Variants in SS18L1 observed in about 807,000 individuals in gnomAD.
SS18L1 encodes SS18L1 subunit of BAF chromatin remodeling complex.
SS18L1 carries 32 observed loss-of-function variants against 70.3 expected under a neutral mutation model. The ratio of observed to expected loss-of-function variants is 0.46; its 90% confidence interval spans 0.34 to 0.61. The LOEUF (loss-of-function observed/expected upper bound fraction) is 0.61, where lower values mean the gene tolerates loss of function less well. SS18L1 is among the 20% of genes least tolerant of loss of function. The pLI is 0.01. For missense variants in SS18L1, 430 were observed against 542.1 expected, an observed-to-expected ratio of 0.79 and a Z score of 2.05; for synonymous variants, 237 against 229.7, an observed-to-expected ratio of 1.03 and a Z score of -0.29.
chr20:62,152,991 A>G (rs536103727), intron 1 of SS18L1, among the ~76,000 whole-genome samples: 50 of 152,304 alleles, frequency 3.3e-4, no homozygotes, highest in Non-Finnish European at 5.7e-4. Context: ...TTACACTGCT[A>G]TGAAGAAATA....
intron 9 of SS18L1, among the ~76,000 whole-genome samples, chr20:62,173,408 A>T (rs2057566822): frequency 6.6e-6 from 1 of 152,250 alleles, no homozygotes; most frequent in Non-Finnish European, 1.5e-5. Flanking sequence ...TACTAATTAA[A>T]TAGTATAAAA....
At chr20:62,168,800 C>G (rs1016233582) in intron 8 of SS18L1, among the ~76,000 whole-genome samples, 4 of 152,170 alleles carry the variant, frequency 2.6e-5, no homozygotes, top group Non-Finnish European at 5.9e-5. Context: ...GGCAACAGAG[C>G]AAGACCCTGT....
chr20:62,178,193 C>T (rs565387477), intron 10 of SS18L1, among the ~76,000 whole-genome samples: 47 of 144,320 alleles, frequency 3.3e-4, no homozygotes, highest in Non-Finnish European at 6.1e-4. Flanking sequence ...GTCACCCACA[C>T]TGGAATACAG....
At chr20:62,164,114 C>T (rs375583463) in intron 6 of SS18L1, 31 bp from the exon 7 acceptor site, 38 of 1,540,674 alleles carry the variant, frequency 2.5e-5, no homozygotes, top group African/African-American at 2.2e-4. Context: ...GGGCGCGGCC[C>T]GCACTGGCGC....
At chr20:62,157,318 G>A (rs114862218) in intron 1 of SS18L1, among the ~76,000 whole-genome samples, 11 of 152,274 alleles carry the variant, frequency 7.2e-5, no homozygotes, top group African/African-American at 2.2e-4. Context: ...GGAGTGCTCC[G>A]GAGCCCTCCT....
chr20:62,166,278 T>C (rs990617463), intron 8 of SS18L1, among the ~76,000 whole-genome samples: 5 of 152,340 alleles, frequency 3.3e-5, no homozygotes, highest in African/African-American at 9.6e-5. Context: ...AGGGGCCTCG[T>C]GTCTGCTGAC....
intron 1 of SS18L1, among the ~76,000 whole-genome samples, chr20:62,157,514 A>G (rs1282374977): frequency 6.6e-6 from 1 of 152,168 alleles, no homozygotes; most frequent in Non-Finnish European, 1.5e-5. Context: ...GGCGGAGTGT[A>G]TGCCTGGCCG....
chr20:62,146,038 A>G lies in SS18L1; in HGVS notation c.69+2149A>G, dbSNP rs1029540057. 3.1e-4 allele frequency among the ~76,000 whole-genome samples: 46 copies of G among 148,750 alleles called. 1 individual carries two copies. The highest frequency in any genetic ancestry group is 3.4e-3 in the Middle Eastern group (1 of 290). ...AAAGAGGTCTACAACTTGTCCTTAC[A>G]GCATTCTGCGTGGTAGTGAAGGAGA... On this transcript the variant is annotated intron_variant, in intron 1 of 10. Coordinates refer to ENST00000331758, the MANE Select transcript of SS18L1 (RefSeq NM_198935.3).
At chr20:62,177,277 TC>T (rs1299425836) in intron 10 of SS18L1, among the ~76,000 whole-genome samples, 1 of 145,326 alleles carries the variant, frequency 6.9e-6, no homozygotes, top group Non-Finnish European at 1.5e-5. Flanking sequence ...AAACTCTGTC[TC>T]AAAAAAAAAA....
chr20:62,144,409 A>G (rs887637175), intron 1 of SS18L1, among the ~76,000 whole-genome samples: 1 of 152,142 alleles, frequency 6.6e-6, no homozygotes, highest in Non-Finnish European at 1.5e-5. Flanking sequence ...GACCGCGGGG[A>G]CTGTGGCCGG....
chr20:62,171,613 T>C (rs191561470), intron 8 of SS18L1, among the ~76,000 whole-genome samples: 2 of 152,330 alleles, frequency 1.3e-5, no homozygotes, highest in Admixed American at 1.3e-4. Context: ...GTGTGCATTA[T>C]CTCAATAAAG....
At chr20:62,153,395 C>T (rs979662366) in intron 1 of SS18L1, among the ~76,000 whole-genome samples, 25 of 152,136 alleles carry the variant, frequency 1.6e-4, no homozygotes, top group African/African-American at 6.0e-4. Flanking sequence ...CTGTCTTGCC[C>T]TTCTCAAGGC....
At chr20:62,157,193 A>G (rs1323086105) in intron 1 of SS18L1, among the ~76,000 whole-genome samples, 1 of 151,556 alleles carries the variant, frequency 6.6e-6, no homozygotes, top group Non-Finnish European at 1.5e-5. Flanking sequence ...GCCTGGCCCC[A>G]GCCCCTGTTC....
In SS18L1 at chr20:62,172,809, G is replaced by T; in HGVS notation, c.1036+8G>T. 1 of 1,612,520 alleles carries T rather than the reference G, an allele frequency of 6.2e-7. No individual in the cohort carries two copies. Among genetic ancestry groups the T allele is most frequent in the Non-Finnish European group, 8.5e-7 (1 of 1,179,498 alleles). On this transcript the variant is annotated splice_region_variant and intron_variant, in intron 9 of 10. Coordinates refer to ENST00000331758, the MANE Select transcript of SS18L1 (RefSeq NM_198935.3). Reference sequence around the variant, plus strand: ...GGCAGCAGCAGGGCTACGGTAAGAGGCGAGCACGGTCCTCGGGGCCCCCCA... The same window carrying T: ...GGCAGCAGCAGGGCTACGGTAAGAGTCGAGCACGGTCCTCGGGGCCCCCCA...
In SS18L1 at chr20:62,178,373, G is replaced by A. The variant is rs1601066634; in HGVS notation, c.1165-809G>A. On this transcript the variant is annotated intron_variant, in intron 10 of 10. Transcript: ENST00000331758. ...TCACCATGTTGGCCAGGCTGGTCTTGAACTCCTGACCTCAAATGATCCACC... is the reference window on the plus strand; with the variant it reads ...TCACCATGTTGGCCAGGCTGGTCTTAAACTCCTGACCTCAAATGATCCACC... 2.0e-5 allele frequency among the ~76,000 whole-genome samples: 3 copies of A among 151,008 alleles called. No individual in the cohort carries two copies. In the East Asian group the frequency reaches 5.9e-4, roughly 30 times the overall value.
chr20:62,178,811 C>A (rs187748915), intron 10 of SS18L1, among the ~76,000 whole-genome samples: 65 of 152,308 alleles, frequency 4.3e-4, no homozygotes, highest in African/African-American at 1.5e-3. Context: ...TGGTCGTCCC[C>A]GCTCCCATTT....
intron 8 of SS18L1, among the ~76,000 whole-genome samples, chr20:62,166,930 A>G (rs1245152805): frequency 1.3e-5 from 2 of 151,826 alleles, no homozygotes; most frequent in Non-Finnish European, 2.9e-5. Flanking sequence ...TGTCTCAAAA[A>G]AAATAAAAAG....
At chr20:62,172,648 G>A (rs755957915) in intron 8 of SS18L1, 34 bp from the exon 9 acceptor site, 2 of 1,613,988 alleles carry the variant, frequency 1.2e-6, no homozygotes, top group Non-Finnish European at 1.7e-6. Flanking sequence ...GCCCAGGTGG[G>A]GAAAGTCATT....
At chr20:62,171,004 C>G (rs1421635828) in intron 8 of SS18L1, among the ~76,000 whole-genome samples, 1 of 152,064 alleles carries the variant, frequency 6.6e-6, no homozygotes, top group Non-Finnish European at 1.5e-5. Flanking sequence ...TGGGTTCACA[C>G]CATTCTCCTG....
Sources: gnomAD v4.1 joint callset for allele counts (sites outside exome capture counted in the v4.1 genomes callset) on GRCh38, gnomAD v4.1.1 for gene constraint, MANE v1.5 for transcripts, NCBI Gene and HGNC (gene_info 2026-07-23, HGNC 2026-07-21) for gene names.